The following KIAA0825 variants were observed in gnomAD, a reference collection of about 807,000 sequenced individuals.
KIAA0825 encodes the protein uncharacterized protein KIAA0825.
KIAA0825 carries 119 observed loss-of-function variants against 147.6 expected under a neutral mutation model. The ratio of observed to expected loss-of-function variants is 0.81; its 90% CI spans 0.69 to 0.94. The LOEUF is 0.94. KIAA0825 is among the 40% of genes least tolerant of loss of function. KIAA0825 has a pLI of 0.00. For synonymous variants in KIAA0825, 470 were observed against 518.1 expected (o/e 0.91, Z 1.26); for missense variants, 1,381 against 1,472.7 (o/e 0.94, Z 1.02).
chr5:94,312,220 GGTGTGTGT>G, intron 20 of KIAA0825, among the ~76,000 whole-genome samples: 1 of 149,428 alleles, frequency 6.7e-6, no homozygotes, highest in South Asian at 2.1e-4. Flanking sequence ...TAATATACAT[GGTGTGTGT>G]GTGTGTGTGT....
At chr5:94,371,089 G>C (rs1011238340) in intron 20 of KIAA0825, among the ~76,000 whole-genome samples, 3 of 151,906 alleles carry the variant, frequency 2.0e-5, no homozygotes, top group African/African-American at 2.4e-5. Flanking sequence ...ATATCTTCCT[G>C]TACCATTTGA....
chr5:94,427,798 G>C (rs1471151475), intron 14 of KIAA0825, among the ~76,000 whole-genome samples: 1 of 151,972 alleles, frequency 6.6e-6, no homozygotes, highest in Non-Finnish European at 1.5e-5. Context: ...CTTTTCATAG[G>C]TCTAGATATG....
intron 20 of KIAA0825, among the ~76,000 whole-genome samples, chr5:94,339,600 C>A (rs1187646582): frequency 6.6e-6 from 1 of 152,174 alleles, no homozygotes; most frequent in Non-Finnish European, 1.5e-5. Flanking sequence ...CACCACCAAG[C>A]CTGATGTCTC....
At chr5:94,426,435 C>G (rs6870598) in intron 14 of KIAA0825, among the ~76,000 whole-genome samples, 1 of 151,986 alleles carries the variant, frequency 6.6e-6, no homozygotes, top group Non-Finnish European at 1.5e-5. Context: ...CATTATTTTA[C>G]GTGAAATAAG....
intron 2 of KIAA0825, among the ~76,000 whole-genome samples, chr5:94,555,011 A>G (rs1179028750): frequency 6.6e-6 from 1 of 151,894 alleles, no homozygotes; most frequent in East Asian, 1.9e-4. Context: ...TTTTTCTGCC[A>G]TATACATTTG....
intron 20 of KIAA0825, among the ~76,000 whole-genome samples, chr5:94,349,990 G>T (rs1783460974): frequency 2.0e-5 from 3 of 152,128 alleles, no homozygotes; most frequent in African/African-American, 7.2e-5. Flanking sequence ...GAAACAAAAA[G>T]CTGGTTCTTT....
intron 20 of KIAA0825, among the ~76,000 whole-genome samples, chr5:94,291,016 G>A (rs750513900): frequency 1.3e-5 from 2 of 151,950 alleles, no homozygotes; most frequent in African/African-American, 4.8e-5. Flanking sequence ...TAAGTTCCTT[G>A]TAGATTCTGG....
chr5:94,606,646 A>G (rs962010225), intron 1 of KIAA0825, among the ~76,000 whole-genome samples: 2 of 152,242 alleles, frequency 1.3e-5, no homozygotes, highest in Non-Finnish European at 2.9e-5. Context: ...AGAAACTATC[A>G]ATAGAGTAAA....
chr5:94,465,688 C>T (rs1760402769), intron 10 of KIAA0825, among the ~76,000 whole-genome samples: 1 of 152,154 alleles, frequency 6.6e-6, no homozygotes. Flanking sequence ...TTTCTAAAGC[C>T]TAGGCACATA....
intron 20 of KIAA0825, among the ~76,000 whole-genome samples, chr5:94,342,415 A>G (rs1782517720): frequency 6.6e-6 from 1 of 152,224 alleles, no homozygotes; most frequent in Non-Finnish European, 1.5e-5. Context: ...AAATGAAAGG[A>G]ATAATGTCAC....
chr5:94,408,876 G>C (rs1050986119), intron 15 of KIAA0825, among the ~76,000 whole-genome samples: 1 of 152,114 alleles, frequency 6.6e-6, no homozygotes, highest in Non-Finnish European at 1.5e-5. Flanking sequence ...TCTTTTTAAA[G>C]CACAATTGTG....
Position 94,460,000 on chromosome 5 carries a change from G to A in KIAA0825, c.2246+2387C>T, listed in dbSNP as rs116227230. Among the ~76,000 whole-genome samples the A allele has an allele frequency of 1.6e-3, 238 of 152,030 alleles. 2 individuals carry two copies. The highest frequency in any genetic ancestry group is 5.3e-3 in the African/African-American group (218 of 41,480). ...TGTATCCCTTTTCTTTAATCAGAGG[G>A]GCTAGAGAGGCAGCAACATTTGTTG... is the stretch of plus-strand genomic sequence containing the variant. On this transcript the variant is annotated intron_variant, in intron 12 of 20. Coordinates refer to ENST00000682413, the MANE Select transcript of KIAA0825 (RefSeq NM_001145678.3).
At chr5:94,382,768 CA>C (rs1210777262) in intron 20 of KIAA0825, among the ~76,000 whole-genome samples, 8 of 152,022 alleles carry the variant, frequency 5.3e-5, no homozygotes, top group Admixed American at 2.6e-4. Context: ...TAAACAAAAA[CA>C]AAAATATGCA....
At chr5:94,300,146 ATACT>A (rs1778326244) in intron 20 of KIAA0825, among the ~76,000 whole-genome samples, 2 of 152,076 alleles carry the variant, frequency 1.3e-5, no homozygotes, top group Non-Finnish European at 2.9e-5. Flanking sequence ...GATCATAAGA[ATACT>A]TAACATATAT....
At chr5:94,436,909 T>G (rs924919957) in intron 14 of KIAA0825, among the ~76,000 whole-genome samples, 3 of 152,154 alleles carry the variant, frequency 2.0e-5, no homozygotes, top group Admixed American at 6.6e-5. Flanking sequence ...CATTCTTGAT[T>G]TGGCTTTTGG....
intron 2 of KIAA0825, among the ~76,000 whole-genome samples, chr5:94,573,646 G>C (rs1780404280): frequency 6.6e-6 from 1 of 152,178 alleles, no homozygotes; most frequent in Non-Finnish European, 1.5e-5. Flanking sequence ...TCTTTAAAAG[G>C]TGCTAGACTT....
intron 20 of KIAA0825, among the ~76,000 whole-genome samples, chr5:94,236,893 G>T (rs1775071364): frequency 6.6e-6 from 1 of 152,122 alleles, no homozygotes; most frequent in Non-Finnish European, 1.5e-5. Context: ...TAATGCTATT[G>T]CACACTTAAT....
chr5:94,454,615 C>T (rs1758852155), intron 12 of KIAA0825, among the ~76,000 whole-genome samples: 2 of 152,158 alleles, frequency 1.3e-5, no homozygotes, highest in African/African-American at 2.4e-5. Flanking sequence ...AGAAGCCAGA[C>T]CAGGTACCAG....
intron 1 of KIAA0825, among the ~76,000 whole-genome samples, chr5:94,616,058 G>A (rs983406455): frequency 2.0e-5 from 3 of 151,930 alleles, no homozygotes; most frequent in Non-Finnish European, 2.9e-5. Context: ...TCTATTACAC[G>A]CCAGGCACAG....
Sources: allele counts gnomAD v4.1 joint callset (sites outside exome capture counted in the v4.1 genomes callset), GRCh38; gene constraint gnomAD v4.1.1; transcripts MANE v1.5; gene names NCBI Gene and HGNC (gene_info 2026-07-23, HGNC 2026-07-21).